WEE1: variants seen among roughly 807,000 people sequenced by gnomAD.
WEE1 encodes the protein wee1-like protein kinase.
WEE1 carries 16 observed loss-of-function variants against 68.8 expected under a neutral mutation model. The ratio of observed to expected loss-of-function variants is 0.23; its 90% CI spans 0.16 to 0.35. WEE1 has a LOEUF of 0.35. Among genes scored for constraint, WEE1 ranks in the 10% least tolerant of loss-of-function variants. The probability of loss-of-function intolerance (pLI) is 1.00; values close to 1 mark genes in which losing one functional copy is unlikely to be tolerated. For synonymous variants in WEE1, 349 were observed against 318.7 expected (o/e 1.09, Z -1.01); for missense variants, 651 against 824.1 (o/e 0.79, Z 2.57).
chr11:9,583,754 C>T (rs1370054225), intron 6 of WEE1, among the ~76,000 whole-genome samples: 1 of 5,424 alleles, frequency 1.8e-4, no homozygotes, highest in Non-Finnish European at 3.0e-4. Flanking sequence ...TGTGCGTGCA[C>T]GCGCGCGCAC....
At chr11:9,575,408 T>A (rs1849554894) in intron 1 of WEE1, 1 of 995,808 alleles carries the variant, frequency 1.0e-6, no homozygotes, top group Non-Finnish European at 1.2e-6. Context: ...GTACTGTTTG[T>A]CATCAGCCTA....
In WEE1 at chr11:9,573,798, C is replaced by T; in HGVS notation, c.-136C>T. Reference sequence around the variant, plus strand: ...AGCCCGAGCGCCCCGGAGCCGCAGGCCGCCGCCGCGCAGAGACGCCGCGGC... The same window carrying T: ...AGCCCGAGCGCCCCGGAGCCGCAGGTCGCCGCCGCGCAGAGACGCCGCGGC... On this transcript the variant is annotated 5_prime_UTR_variant, in exon 1 of 11. Transcript: ENST00000450114. The T allele has an allele frequency of 1.4e-6, 1 of 714,304 alleles. No homozygotes were observed. The highest frequency in any genetic ancestry group is 6.5e-5 in the South Asian group (1 of 15,424). 44.2% of individuals were successfully genotyped at this position (714,304 alleles called of 1,614,324 possible).
At position 9,574,044 on chromosome 11, in the gene WEE1, A is replaced by C; in HGVS notation, c.111A>C (p.Glu37Asp). The change falls in exon 1 of 11, where the codon GAA (glutamate) becomes GAC (aspartate). Residue 37 changes from glutamate to aspartate, a missense_variant. By Grantham distance (45) the Glu-to-Asp change is conservative (BLOSUM62 2). Transcript: ENST00000450114. This position sits in a 1 kb window ranked among gnomAD's most constrained non-coding sequence, Gnocchi z 4.9. ...FSPCSDCEEE[E>D]EEEEEEGSGH... ...CCTGCAGCGACTGTGAGGAGGAGGA[A>C]GAAGAGGAGGAGGAGGAGGGCAGCG... is the stretch of plus-strand genomic sequence containing the variant. 1.6e-6 allele frequency: 2 copies of C among 1,259,126 alleles called. No homozygotes were observed. The highest frequency in any genetic ancestry group is 2.0e-6 in the Non-Finnish European group (2 of 1,001,506). 78.0% of individuals were successfully genotyped at this position (1,259,126 alleles called of 1,614,324 possible).
chr11:9,576,517 T>C lies in WEE1; in HGVS notation c.877T>C (p.Ser293Pro). The change falls in exon 4 of 11, where the codon TCC becomes CCC. Residue 293 changes from serine to proline, a missense_variant. Coordinates refer to ENST00000450114, the MANE Select transcript of WEE1 (RefSeq NM_003390.4). This position sits in a 1 kb window ranked among gnomAD's most constrained non-coding sequence, Gnocchi z 4.3. ...RITITESNMKSRYTTEFHELE... is the reference protein window; with the variant it reads ...RITITESNMKPRYTTEFHELE... ...TACAATTACTGAAAGCAATATGAAG[T>C]CCCGGTATACAACAGAATTTCATGA... 1.2e-6 allele frequency: 2 copies of C among 1,613,178 alleles called. No individual in the cohort carries two copies. The highest frequency in any genetic ancestry group is 1.7e-6 in the Non-Finnish European group (2 of 1,179,712).
intron 10 of WEE1, among the ~76,000 whole-genome samples, chr11:9,587,256 C>T (rs963063580): frequency 2.0e-5 from 3 of 152,178 alleles, no homozygotes; most frequent in East Asian, 3.8e-4. Context: ...CCACCTCACC[C>T]GGCTCCAGTA....
chr11:9,589,395 A>T lies in WEE1; in HGVS notation c.*793A>T. ...ACTGGTTTTGTAACTTGTTCTGGTA[A>T]TGTCCTTCCCGGACTCTTTTTAAAT... On this transcript the variant is annotated 3_prime_UTR_variant, in exon 11 of 11. Transcript: ENST00000450114. 2.6e-5 allele frequency: 26 copies of T among 984,924 alleles called. No individual in the cohort carries two copies. The highest frequency in any genetic ancestry group is 3.1e-5 in the Non-Finnish European group (26 of 829,646). 61.0% of individuals were successfully genotyped at this position (984,924 alleles called of 1,614,324 possible).
chr11:9,576,145 G>C lies in WEE1; in HGVS notation c.782+52G>C. Reference sequence around the variant, plus strand: ...TCTCCAAATAACCTAAGATTGGTTTGGTATACTTATCAAAATTTAGTTCCT... The same window carrying C: ...TCTCCAAATAACCTAAGATTGGTTTCGTATACTTATCAAAATTTAGTTCCT... On this transcript the variant is annotated intron_variant, in intron 2 of 10. Coordinates refer to ENST00000450114, the MANE Select transcript of WEE1 (RefSeq NM_003390.4). The surrounding 1 kb of genome is among the most constrained non-coding windows in gnomAD (Gnocchi z 4.3). 1.9e-6 allele frequency: 3 copies of C among 1,609,226 alleles called. No individual in the cohort carries two copies. The highest frequency in any genetic ancestry group is 2.5e-6 in the Non-Finnish European group (3 of 1,176,966).
In WEE1 at chr11:9,574,506, C is replaced by G. The variant is rs1481489657; in HGVS notation, c.573C>G (p.Pro191=). 1 of 1,227,324 alleles carries G rather than the reference C, an allele frequency of 8.1e-7. No individual in the cohort carries two copies. Among genetic ancestry groups the G allele is most frequent in the South Asian group, 3.3e-5 (1 of 30,650 alleles). 76.0% of individuals were successfully genotyped at this position (1,227,324 alleles called of 1,614,324 possible). Residue 191 remains proline, a synonymous_variant, in exon 1 of 11, where the codon CCC becomes CCG. Transcript: ENST00000450114. This position sits in a 1 kb window ranked among gnomAD's most constrained non-coding sequence, Gnocchi z 4.9. ...GACTCTTCGACACCCCGCACACGCCCAAGGTGAGAGCGGCGGGCGCGGGCA... is the reference window on the plus strand; with the variant it reads ...GACTCTTCGACACCCCGCACACGCCGAAGGTGAGAGCGGCGGGCGCGGGCA... ...KLRLFDTPHT[P]KSLLSKARGI...
At chr11:9,587,543 A>G (rs951113712) in intron 10 of WEE1, among the ~76,000 whole-genome samples, 1 of 152,286 alleles carries the variant, frequency 6.6e-6, no homozygotes, top group East Asian at 1.9e-4. Context: ...ATTAATGTCA[A>G]TTTGGTTAGG....
rs984863947 is a variant in WEE1, at chr11:9,574,603, C to A, written c.576+94C>A. 1.9e-4 allele frequency: 219 copies of A among 1,124,042 alleles called. No individual in the cohort carries two copies. Among genetic ancestry groups the A allele is most frequent in the Non-Finnish European group, 2.3e-4 (215 of 919,756 alleles). The allele number at this position is 1,124,042 out of a possible 1,614,324, so 69.6% of individuals were successfully genotyped here. A position where few individuals can be genotyped will look rare whatever the true frequency, so the allele number is the denominator to read the frequency against. On this transcript the variant is annotated intron_variant, in intron 1 of 10. Coordinates refer to ENST00000450114, the MANE Select transcript of WEE1 (RefSeq NM_003390.4). This position sits in a 1 kb window ranked among gnomAD's most constrained non-coding sequence, Gnocchi z 4.9. ...GGGTTCGGTTACAGAAGCGGCCGGC[C>A]GCTCCCCCCTCGCTTTCCTGCGCCG...
chr11:9,574,805 C>T lies in WEE1; in HGVS notation c.576+296C>T, dbSNP rs1849546069. 2 of 1,002,070 alleles carry T rather than the reference C, an allele frequency of 2.0e-6. No homozygotes were observed. The highest frequency in any genetic ancestry group is 2.4e-6 in the Non-Finnish European group (2 of 840,966). The allele number at this position is 1,002,070 out of a possible 1,614,324, so 62.1% of individuals were successfully genotyped here. Reference sequence around the variant, plus strand: ...CCGGGCCGCCCCGAGCGTGTCAGCCCCGAGTGCGGCACCGATAACGCGGTT... The same window carrying T: ...CCGGGCCGCCCCGAGCGTGTCAGCCTCGAGTGCGGCACCGATAACGCGGTT... On this transcript the variant is annotated intron_variant, in intron 1 of 10. Coordinates refer to ENST00000450114, the MANE Select transcript of WEE1 (RefSeq NM_003390.4). The surrounding 1 kb of genome is among the most constrained non-coding windows in gnomAD (Gnocchi z 4.9).
chr11:9,584,027 G>A (rs1054498818), intron 6 of WEE1, among the ~76,000 whole-genome samples: 17 of 150,632 alleles, frequency 1.1e-4, no homozygotes, highest in Non-Finnish European at 2.1e-4. Flanking sequence ...TGTATTTTTA[G>A]TAGAGATGGG....
Position 9,576,340 on chromosome 11 carries a change from A to G in WEE1, c.846+47A>G. 6.5e-7 allele frequency: 1 copy of G among 1,534,662 alleles called. No homozygotes were observed. The highest frequency in any genetic ancestry group is 1.2e-5 in the South Asian group (1 of 81,912). On this transcript the variant is annotated intron_variant, in intron 3 of 10. Coordinates refer to ENST00000450114, the MANE Select transcript of WEE1 (RefSeq NM_003390.4). The surrounding 1 kb of genome is among the most constrained non-coding windows in gnomAD (Gnocchi z 4.3). ...TTTTTTTGAAATTTACTTTTCTGCC[A>G]CTTAAAGCATGCTATGAATATGTTA...
Position 9,573,930 on chromosome 11 carries a change from CGCG to C in WEE1, c.-3_-1del. ...CTGTCCTCGGCCCCGTCCCCAGGGC[CGCG>C]ATGAGCTTCCTGAGCCGACAGCAGC... On this transcript the variant is annotated 5_prime_UTR_variant, in exon 1 of 11. Transcript: ENST00000450114. 13 of 1,270,602 alleles carry C rather than the reference CGCG, an allele frequency of 1.0e-5. No homozygotes were observed. Among genetic ancestry groups the C allele is most frequent in the Non-Finnish European group, 1.2e-5 (12 of 1,009,362 alleles). The allele number at this position is 1,270,602 out of a possible 1,614,324, so 78.7% of individuals were successfully genotyped here. A position where few individuals can be genotyped will look rare whatever the true frequency, so the allele number is the denominator to read the frequency against.
chr11:9,583,308 G>A (rs934213104), intron 6 of WEE1, among the ~76,000 whole-genome samples: 4 of 147,448 alleles, frequency 2.7e-5, no homozygotes, highest in Admixed American at 1.4e-4. Flanking sequence ...GTGAGACTCC[G>A]TCTCAAAAAA....
intron 6 of WEE1, among the ~76,000 whole-genome samples, chr11:9,584,933 G>GA (rs1198137391): frequency 3.9e-5 from 6 of 152,164 alleles, no homozygotes; most frequent in Non-Finnish European, 7.3e-5. Flanking sequence ...AAGTTAGCTA[G>GA]ATGTGGCATG....
intron 6 of WEE1, among the ~76,000 whole-genome samples, chr11:9,583,172 G>A (rs1004448636): frequency 5.3e-5 from 8 of 152,024 alleles, no homozygotes; most frequent in Admixed American, 1.3e-4. Flanking sequence ...AATTAGCCAG[G>A]TGTAGTGGTG....
At chr11:9,584,941 A>C (rs932538357) in intron 6 of WEE1, among the ~76,000 whole-genome samples, 1 of 152,164 alleles carries the variant, frequency 6.6e-6, no homozygotes, top group African/African-American at 2.4e-5. Context: ...TAGATGTGGC[A>C]TGTGCCTGTA....
At chr11:9,585,608 A>G in intron 8 of WEE1, 81 bp downstream of exon 8, 3 of 1,158,438 alleles carry the variant, frequency 2.6e-6, no homozygotes, top group Non-Finnish European at 3.6e-6. Context: ...AGATATATTA[A>G]ACTTTGAAGT....
Sources: gnomAD v4.1 joint callset for allele counts (sites outside exome capture counted in the v4.1 genomes callset) on GRCh38, gnomAD v4.1.1 for gene constraint, Gnocchi (gnomAD v3.1) non-coding constraint, MANE v1.5 for transcripts, NCBI Gene and HGNC (gene_info 2026-07-23, HGNC 2026-07-21) for gene names.